SPAG9: variants seen among roughly 807,000 people sequenced by gnomAD.
SPAG9 encodes the protein C-Jun-amino-terminal kinase-interacting protein 4.
SPAG9 carries 35 observed loss-of-function variants against 166.5 expected under a neutral mutation model. The ratio of observed to expected loss-of-function variants is 0.21; its 90% CI spans 0.16 to 0.28. The LOEUF is 0.28. Ranked by LOEUF, SPAG9 falls within the 10% of genes least tolerant of loss-of-function variation. SPAG9 has a pLI of 1.00. For missense variants in SPAG9, 1,235 were observed against 1,603.3 expected (o/e 0.77, Z 3.92); for synonymous variants, 534 against 565.5 (o/e 0.94, Z 0.79).
chr17:51,105,514 A>G (rs909829609), intron 1 of SPAG9, among the ~76,000 whole-genome samples: 10 of 152,292 alleles, frequency 6.6e-5, no homozygotes, highest in African/African-American at 2.2e-4. Flanking sequence ...GAAATGAATT[A>G]TTTGCTGAAA....
In SPAG9 at chr17:51,120,307, G is replaced by A; in HGVS notation, c.303+47C>T. ...ACCGGGCCGCGACCCCGCCCCGGCC[G>A]CCCCCGGAGACGGATCCCGCGGCCC... On this transcript the variant is annotated intron_variant, in intron 1 of 29. Transcript: ENST00000262013. This position sits in a 1 kb window ranked among gnomAD's most constrained non-coding sequence, Gnocchi z 4.7. The A allele has an allele frequency of 2.9e-6, 4 of 1,357,536 alleles. No homozygotes were observed. The highest frequency in any genetic ancestry group is 2.9e-6 in the Non-Finnish European group (3 of 1,025,364). 84.1% of individuals were successfully genotyped at this position (1,357,536 alleles called of 1,614,324 possible). A position where few individuals can be genotyped will look rare whatever the true frequency, so the allele number is the denominator to read the frequency against.
intron 6 of SPAG9, among the ~76,000 whole-genome samples, chr17:51,026,333 A>AAT (rs2046170504): frequency 6.8e-6 from 1 of 146,338 alleles, no homozygotes; most frequent in African/African-American, 2.5e-5. Flanking sequence ...AAAAAAAAAA[A>AAT]AAAAAAAAAA....
intron 6 of SPAG9, chr17:51,030,913 C>CTTTTT (rs35796324): frequency 9.2e-6 from 1 of 109,252 alleles, no homozygotes; most frequent in Admixed American, 9.8e-5. Context: ...ATGTAGCAGG[C>CTTTTT]TTTTTTTTTT....
chr17:51,011,073 C>T (rs973447271), intron 9 of SPAG9, among the ~76,000 whole-genome samples: 1 of 151,966 alleles, frequency 6.6e-6, no homozygotes, highest in East Asian at 1.9e-4. Flanking sequence ...ATCACAGAAA[C>T]CCAGCAAAGA....
intron 15 of SPAG9, among the ~76,000 whole-genome samples, chr17:50,996,972 T>C (rs1435189819): frequency 6.6e-6 from 1 of 152,184 alleles, no homozygotes; most frequent in Non-Finnish European, 1.5e-5. Flanking sequence ...AAACCCCGTC[T>C]CTGCTAAAAA....
chr17:51,027,967 G>A (rs916816061), intron 6 of SPAG9, among the ~76,000 whole-genome samples: 2 of 151,996 alleles, frequency 1.3e-5, no homozygotes, highest in African/African-American at 4.8e-5. Flanking sequence ...GGGACAAGAT[G>A]TGGAGGTGGA....
intron 2 of SPAG9, among the ~76,000 whole-genome samples, chr17:51,059,908 T>A (rs965738312): frequency 6.6e-6 from 1 of 152,140 alleles, no homozygotes; most frequent in Admixed American, 6.6e-5. Context: ...TCCTGACTAG[T>A]TTCTCTACTT....
rs1199264760 is a variant in SPAG9, at chr17:51,089,643, TATATATATATATATATATATAC to T, written c.304-9961_304-9940del. ...TTTTATATATATATATATATATATATATATATATATATATATATATACACATACACACACACACTTTCTTTTT... is the reference window on the plus strand; with the variant it reads ...TTTTATATATATATATATATATATATACATACACACACACACTTTCTTTTT... On this transcript the variant is annotated intron_variant, in intron 1 of 29. Transcript: ENST00000262013. 5.3e-3 allele frequency among the ~76,000 whole-genome samples: 463 copies of T among 87,700 alleles called. 11 individuals carry two copies. Among genetic ancestry groups the T allele is most frequent in the Non-Finnish European group, 8.1e-3 (377 of 46,720 alleles). 57.5% of individuals were successfully genotyped at this position (87,700 alleles called of 152,430 possible).
intron 19 of SPAG9, among the ~76,000 whole-genome samples, chr17:50,993,144 G>A (rs1230937459): frequency 6.3e-5 from 9 of 142,708 alleles, no homozygotes; most frequent in Admixed American, 2.1e-4. Context: ...GTAAAACCCC[G>A]TCTCTAGTAA....
intron 29 of SPAG9, among the ~76,000 whole-genome samples, chr17:50,968,383 C>G (rs1031310628): frequency 2.0e-5 from 3 of 152,150 alleles, no homozygotes; most frequent in African/African-American, 7.2e-5. Context: ...TGCCTTATGT[C>G]TGGGAACTTT....
At chr17:50,994,997 G>T in intron 18 of SPAG9, 60 bp downstream of exon 18, 3 of 1,378,926 alleles carry the variant, frequency 2.2e-6, no homozygotes, top group Non-Finnish European at 3.0e-6. Flanking sequence ...GCAAATTTTG[G>T]ATGAAAGAGT....
intron 1 of SPAG9, among the ~76,000 whole-genome samples, chr17:51,092,751 CAAA>C (rs200338786): frequency 9.2e-5 from 5 of 54,166 alleles, no homozygotes; most frequent in Non-Finnish European, 1.6e-4. Flanking sequence ...CTTGTCTCTA[CAAA>C]AAAAAAAAAA....
intron 1 of SPAG9, among the ~76,000 whole-genome samples, chr17:51,112,400 C>CA: frequency 6.7e-6 from 1 of 149,018 alleles, no homozygotes; most frequent in Non-Finnish European, 1.5e-5. Context: ...AGGCCAGGCG[C>CA]AGTGGCTCAC....
chr17:51,099,759 T>TAA (rs58721041), intron 1 of SPAG9, among the ~76,000 whole-genome samples: 3,267 of 43,582 alleles, frequency 0.075, 289 homozygotes, highest in Non-Finnish European at 0.11. Context: ...CTTCTATTAC[T>TAA]AAAAAAAAAA....
Position 50,965,155 on chromosome 17 carries a change from T to C in SPAG9, c.*1117A>G, listed in dbSNP as rs1973300587. 1 of 152,268 alleles carries C rather than the reference T, an allele frequency of 6.6e-6. No individual in the cohort carries two copies. Among genetic ancestry groups the C allele is most frequent in the Admixed American group, 6.5e-5 (1 of 15,274 alleles). The allele number at this position is 152,268 out of a possible 1,614,324, so 9.4% of individuals were successfully genotyped here. A position where few individuals can be genotyped will look rare whatever the true frequency, so the allele number is the denominator to read the frequency against. ...GGTTTGTCTTCTTCCCCTTCATAGT[T>C]TTCCCCTTTGAGGATAACCCTTCAA... is the stretch of plus-strand genomic sequence containing the variant. On this transcript the variant is annotated 3_prime_UTR_variant, in exon 30 of 30. Coordinates refer to ENST00000262013, the MANE Select transcript of SPAG9 (RefSeq NM_001130528.3).
chr17:51,010,725 G>T (rs537053819), intron 9 of SPAG9, among the ~76,000 whole-genome samples: 1 of 151,984 alleles, frequency 6.6e-6, no homozygotes, highest in African/African-American at 2.4e-5. Flanking sequence ...AGTGCCTGTT[G>T]GTCCAAGAGC....
chr17:51,037,685 A>ATATATATAGTGT lies in SPAG9; in HGVS notation c.741+3815_741+3816insACACTATATATA. On this transcript the variant is annotated intron_variant, in intron 5 of 29. Coordinates refer to ENST00000262013, the MANE Select transcript of SPAG9 (RefSeq NM_001130528.3). ...GTGTTTTATATATATATATATATATAGTGTGTGTGTGTGTGTGTGTGTGTG... is the reference window on the plus strand; with the variant it reads ...GTGTTTTATATATATATATATATATATATATATAGTGTGTGTGTGTGTGTGTGTGTGTGTGTG... 7.4e-3 allele frequency among the ~76,000 whole-genome samples: 621 copies of ATATATATAGTGT among 83,452 alleles called. 12 individuals carry two copies. The highest frequency in any genetic ancestry group is 9.4e-3 in the Non-Finnish European group (362 of 38,698). 54.7% of individuals were successfully genotyped at this position (83,452 alleles called of 152,430 possible). A position where few individuals can be genotyped will look rare whatever the true frequency, so the allele number is the denominator to read the frequency against.
intron 2 of SPAG9, among the ~76,000 whole-genome samples, chr17:51,069,601 T>C (rs2047766807): frequency 6.6e-6 from 1 of 152,124 alleles, no homozygotes; most frequent in East Asian, 1.9e-4. Flanking sequence ...ATTTAATTAA[T>C]TAAATAAAAT....
At chr17:51,027,835 A>T (rs2144259996) in intron 6 of SPAG9, among the ~76,000 whole-genome samples, 1 of 152,340 alleles carries the variant, frequency 6.6e-6, no homozygotes, top group South Asian at 2.1e-4. Flanking sequence ...CTTAAAAATA[A>T]TAATAAAGTT....
Sources: allele counts gnomAD v4.1 joint callset (sites outside exome capture counted in the v4.1 genomes callset), GRCh38; gene constraint gnomAD v4.1.1; non-coding constraint Gnocchi (gnomAD v3.1); transcripts MANE v1.5; gene names NCBI Gene and HGNC (gene_info 2026-07-23, HGNC 2026-07-21).